CLEC3A: variants seen among roughly 807,000 people sequenced by gnomAD.
The protein encoded by CLEC3A is C-type (calcium dependent, carbohydrate-recognition domain) lectin, superfamily member 1 (cartilage-derived).
A neutral mutation model predicts 20.4 loss-of-function variants in CLEC3A; 28 were observed. That is an observed-to-expected ratio of 1.37 (90% CI 1.02 to 1.88). CLEC3A has a LOEUF of 1.88. Ranked by LOEUF, CLEC3A falls within the 40% of genes most tolerant of loss-of-function variation. The pLI, the probability that CLEC3A is intolerant of heterozygous loss-of-function variation, is 0.00. For missense variants in CLEC3A, 357 were observed against 240.4 expected (o/e 1.48, Z -3.21); for synonymous variants, 110 against 88.1 (o/e 1.25, Z -1.39).
chr16:78,025,290 G>C (rs760601909), intron 1 of CLEC3A, among the ~76,000 whole-genome samples: 2 of 152,028 alleles, frequency 1.3e-5, no homozygotes, highest in East Asian at 1.9e-4. Flanking sequence ...TGTTTGGATG[G>C]GTCATCACTT....
At chr16:78,024,975 C>G (rs566577902) in intron 1 of CLEC3A, among the ~76,000 whole-genome samples, 40 of 152,136 alleles carry the variant, frequency 2.6e-4, no homozygotes, top group South Asian at 2.1e-3. Flanking sequence ...TACAGGTGCT[C>G]GCCACCATGC....
chr16:78,026,888 T>C (rs913425583), intron 1 of CLEC3A, among the ~76,000 whole-genome samples: 3 of 152,202 alleles, frequency 2.0e-5, no homozygotes, highest in Admixed American at 6.5e-5. Context: ...TATTTCTATA[T>C]GAACCTTTAG....
chr16:78,029,339 C>A (rs780850239), intron 2 of CLEC3A, among the ~76,000 whole-genome samples: 6 of 152,148 alleles, frequency 3.9e-5, no homozygotes, highest in Non-Finnish European at 8.8e-5. Context: ...CCCTGTCTCT[C>A]CACATGCAAA....
At chr16:78,028,535 C>T (rs2029991937) in intron 2 of CLEC3A, among the ~76,000 whole-genome samples, 1 of 152,192 alleles carries the variant, frequency 6.6e-6, no homozygotes, top group Non-Finnish European at 1.5e-5. Context: ...ATCAGGCCAC[C>T]AGGACTCTCT....
chr16:78,023,504 A>T (rs949398344), intron 1 of CLEC3A, among the ~76,000 whole-genome samples: 5 of 152,218 alleles, frequency 3.3e-5, no homozygotes, highest in Non-Finnish European at 2.9e-5. Flanking sequence ...GCAAAAGAAA[A>T]AAACAAGACA....
intron 1 of CLEC3A, among the ~76,000 whole-genome samples, chr16:78,025,815 C>A (rs1403045553): frequency 6.6e-6 from 1 of 152,184 alleles, no homozygotes; most frequent in Non-Finnish European, 1.5e-5. Context: ...AGGATGGAAG[C>A]TACAGCCAAG....
intron 1 of CLEC3A, among the ~76,000 whole-genome samples, chr16:78,024,651 A>T (rs1472656773): frequency 6.6e-6 from 1 of 152,206 alleles, no homozygotes; most frequent in African/African-American, 2.4e-5. Context: ...TCAAGCAATT[A>T]TATCCCCACC....
At chr16:78,029,861 T>C (rs1379518274) in intron 2 of CLEC3A, among the ~76,000 whole-genome samples, 1 of 151,970 alleles carries the variant, frequency 6.6e-6, no homozygotes, top group African/African-American at 2.4e-5. Flanking sequence ...TTACTTCATT[T>C]AAAAAAATGT....
chr16:78,025,232 C>T (rs2018797025), intron 1 of CLEC3A, among the ~76,000 whole-genome samples: 1 of 152,134 alleles, frequency 6.6e-6, no homozygotes, highest in African/African-American at 2.4e-5. Flanking sequence ...GGATAGTTAC[C>T]AGTGTAAGCA....
At position 78,031,116 on chromosome 16, in the gene CLEC3A, C is replaced by T. The variant is rs1221728030; in HGVS notation, c.*275C>T. Reference sequence around the variant, plus strand: ...TAAAATCTTTCTCTCTAGTCTTTCTCACTTGTACAAACCCAGTTTGTTTTC... The same window carrying T: ...TAAAATCTTTCTCTCTAGTCTTTCTTACTTGTACAAACCCAGTTTGTTTTC... On this transcript the variant is annotated 3_prime_UTR_variant, in exon 3 of 3. Transcript: ENST00000299642. The T allele has an allele frequency of 3.2e-6, 1 of 311,226 alleles. No individual in the cohort carries two copies. Among genetic ancestry groups the T allele is most frequent in the East Asian group, 6.1e-5 (1 of 16,502 alleles). 19.3% of individuals were successfully genotyped at this position (311,226 alleles called of 1,614,324 possible). A position where few individuals can be genotyped will look rare whatever the true frequency, so the allele number is the denominator to read the frequency against.
At chr16:78,028,031 C>T (rs758140115) in intron 1 of CLEC3A, 76 bp from the exon 2 acceptor site, 1 of 1,022,544 alleles carries the variant, frequency 9.8e-7, no homozygotes, top group Non-Finnish European at 1.5e-6. Flanking sequence ...TTGGGTCCTA[C>T]ATTCCAAAGC....
chr16:78,022,553 G>A lies in CLEC3A; in HGVS notation c.-74G>A. 6.4e-7 allele frequency: 1 copy of A among 1,566,952 alleles called. No individual in the cohort carries two copies. The highest frequency in any genetic ancestry group is 8.6e-7 in the Non-Finnish European group (1 of 1,158,688). ...AGCCCCAGGCATCCCAGAGCAAGATGTAGCTGTGTAGTCTCCTTCCATAGC... is the reference window on the plus strand; with the variant it reads ...AGCCCCAGGCATCCCAGAGCAAGATATAGCTGTGTAGTCTCCTTCCATAGC... On this transcript the variant is annotated 5_prime_UTR_variant, in exon 1 of 3. It removes an upstream start codon present in the reference 5' UTR. Coordinates refer to ENST00000299642, the MANE Select transcript of CLEC3A (RefSeq NM_005752.6).
intron 2 of CLEC3A, chr16:78,029,231 G>C (rs1420991921): frequency 4.6e-6 from 2 of 430,974 alleles, no homozygotes; most frequent in Non-Finnish European, 9.2e-6. Flanking sequence ...TCTGAGGCCT[G>C]ACTCTCCAGT....
chr16:78,029,200 C>T, intron 2 of CLEC3A: 2 of 450,352 alleles, frequency 4.4e-6, no homozygotes, highest in Non-Finnish European at 4.5e-6. Flanking sequence ...GAGATGAGAC[C>T]TAAACCCAGG....
At chr16:78,024,424 C>A (rs774677474) in intron 1 of CLEC3A, among the ~76,000 whole-genome samples, 2 of 152,066 alleles carry the variant, frequency 1.3e-5, no homozygotes, top group African/African-American at 2.4e-5. Flanking sequence ...CTTCTCTCTC[C>A]CTACCTTCTT....
intron 2 of CLEC3A, chr16:78,029,205 C>T: frequency 1.1e-5 from 5 of 448,646 alleles, no homozygotes; most frequent in Non-Finnish European, 1.8e-5. Context: ...GAGACCTAAA[C>T]CCAGGCACTA....
At position 78,030,663 on chromosome 16, in the gene CLEC3A, G is replaced by T. The variant is rs771906099; in HGVS notation, c.416G>T (p.Gly139Val). 6.2e-7 allele frequency: 1 copy of T among 1,614,010 alleles called. No individual in the cohort carries two copies. The highest frequency in any genetic ancestry group is 1.3e-5 in the African/African-American group (1 of 74,898). Reference protein sequence around the residue: ...WLGINDMVTEGKFVDVNGIAI... With the variant: ...WLGINDMVTEVKFVDVNGIAI... ...GGCATCAATGACATGGTCACGGAAG[G>T]CAAGTTTGTTGACGTCAACGGAATC... The change falls in exon 3 of 3, where the codon GGC becomes GTC. Residue 139 changes from glycine to valine, a missense_variant. Physicochemically the swap from Gly to Val is moderately radical, Grantham distance 109. Coordinates refer to ENST00000299642, the MANE Select transcript of CLEC3A (RefSeq NM_005752.6).
chr16:78,030,331 T>C lies in CLEC3A; in HGVS notation c.200-116T>C, dbSNP rs2030054783. 4 of 929,288 alleles carry C rather than the reference T, an allele frequency of 4.3e-6. No individual in the cohort carries two copies. In the South Asian group the frequency reaches 5.0e-5, roughly 12 times the overall value. 57.6% of individuals were successfully genotyped at this position (929,288 alleles called of 1,614,324 possible). ...CCGGCACATAGAAAATTTTAACTGT[T>C]GTCTCATCATTATCATACTTCATTC... On this transcript the variant is annotated intron_variant, in intron 2 of 2. Transcript: ENST00000299642.
chr16:78,027,425 A>T (rs966493601), intron 1 of CLEC3A, among the ~76,000 whole-genome samples: 1 of 152,184 alleles, frequency 6.6e-6, no homozygotes, highest in Admixed American at 6.5e-5. Context: ...AGCAAGAGTG[A>T]TCCTAGCAGA....
Sources: gnomAD v4.1 joint callset for allele counts (sites outside exome capture counted in the v4.1 genomes callset) on GRCh38, gnomAD v4.1.1 for gene constraint, MANE v1.5 for transcripts, NCBI Gene and HGNC (gene_info 2026-07-23, HGNC 2026-07-21) for gene names.